The following CMSS1 variants were observed in gnomAD, a reference collection of about 807,000 sequenced individuals.
The protein encoded by CMSS1 is protein CMSS1.
CMSS1 carries 33 observed loss-of-function variants against 43.5 expected under a neutral mutation model. The observed-to-expected ratio is 0.76, with a 90% CI of 0.57 to 1.01. The LOEUF is 1.01. CMSS1 is among the 50% of genes least tolerant of loss of function. The pLI, the probability that CMSS1 is intolerant of heterozygous loss-of-function variation, is 0.00. For synonymous variants in CMSS1, 115 were observed against 117.2 expected, an observed-to-expected ratio of 0.98 and a Z score of 0.12; for missense variants, 313 against 326.4, an observed-to-expected ratio of 0.96 and a Z score of 0.32.
chr3:100,037,001 G>T (rs1240276679), intron 1 of CMSS1, among the ~76,000 whole-genome samples: 1 of 152,078 alleles, frequency 6.6e-6, no homozygotes. Context: ...CATAAATAAA[G>T]CTGAGCCATT....
At chr3:99,829,802 A>G (rs1170525329) in intron 1 of CMSS1, among the ~76,000 whole-genome samples, 1 of 152,220 alleles carries the variant, frequency 6.6e-6, no homozygotes, top group African/African-American at 2.4e-5. Flanking sequence ...AGGTATGCTT[A>G]CTACACCAGT....
chr3:100,118,320 A>G (rs1263532790), intron 1 of CMSS1, among the ~76,000 whole-genome samples: 1 of 152,036 alleles, frequency 6.6e-6, no homozygotes, highest in Non-Finnish European at 1.5e-5. Context: ...GGCTTATATT[A>G]TATCTCTATT....
chr3:99,990,069 C>T (rs766532791), intron 1 of CMSS1, among the ~76,000 whole-genome samples: 3 of 152,032 alleles, frequency 2.0e-5, no homozygotes, highest in Non-Finnish European at 4.4e-5. Context: ...CTCTGTTTGC[C>T]GCTTTGTGTT....
intron 1 of CMSS1, among the ~76,000 whole-genome samples, chr3:100,035,335 A>G (rs1210906748): frequency 6.6e-6 from 1 of 152,104 alleles, no homozygotes; most frequent in Admixed American, 6.6e-5. Flanking sequence ...GTTCAATGGC[A>G]CAATCTTGGC....
At chr3:99,828,384 A>G (rs1235830055) in intron 1 of CMSS1, among the ~76,000 whole-genome samples, 1 of 149,920 alleles carries the variant, frequency 6.7e-6, no homozygotes, top group Non-Finnish European at 1.5e-5. Flanking sequence ...TGTGAGGCAC[A>G]ATACTAAGCA....
chr3:100,053,113 C>T (rs2065401427), intron 1 of CMSS1, among the ~76,000 whole-genome samples: 1 of 152,102 alleles, frequency 6.6e-6, no homozygotes, highest in East Asian at 1.9e-4. Flanking sequence ...TCTCTTAAAC[C>T]CTATATATTG....
In CMSS1 at chr3:100,160,541, G is replaced by T. The variant is rs371394646; in HGVS notation, c.225+40G>T. ...TTCTTAAATTTGTATGGCCCCACATGGTTTCCATCACATTTTTATATATCA... is the reference window on the plus strand; with the variant it reads ...TTCTTAAATTTGTATGGCCCCACATTGTTTCCATCACATTTTTATATATCA... On this transcript the variant is annotated intron_variant, in intron 3 of 9. Transcript: ENST00000421999. 6.2e-6 allele frequency: 6 copies of T among 968,544 alleles called. No homozygotes were observed. The African/African-American group carries it at 1.0e-4, about 16-fold the overall frequency. The allele number at this position is 968,544 out of a possible 1,614,324, so 60.0% of individuals were successfully genotyped here. A position where few individuals can be genotyped will look rare whatever the true frequency, so the allele number is the denominator to read the frequency against.
chr3:99,930,683 T>TA (rs1209577328), intron 1 of CMSS1: 25 of 1,380,652 alleles, frequency 1.8e-5, no homozygotes, highest in Non-Finnish European at 2.4e-5. Flanking sequence ...GAACCACAGA[T>TA]ATCTATTTCT....
intron 1 of CMSS1, among the ~76,000 whole-genome samples, chr3:99,948,763 A>T (rs1708090385): frequency 6.7e-6 from 1 of 148,600 alleles, no homozygotes; most frequent in South Asian, 2.1e-4. Context: ...AAAAGGAAGG[A>T]AGGAAAGAAA....
At chr3:99,920,281 T>C (rs181226177) in intron 1 of CMSS1, among the ~76,000 whole-genome samples, 333 of 152,284 alleles carry the variant, frequency 2.2e-3, no homozygotes, top group Non-Finnish European at 1.9e-3. Flanking sequence ...TCAGAGCCTT[T>C]TGCCCCATTG....
rs765467102 is a variant in CMSS1 at position 99,850,974 on chromosome 3, C to G, written c.64+32931C>G. The G allele has an allele frequency of 6.8e-6, 11 of 1,614,138 alleles. No individual in the cohort carries two copies. The highest frequency in any genetic ancestry group is 2.5e-6 in the Non-Finnish European group (3 of 1,180,020). On this transcript the variant is annotated intron_variant, in intron 1 of 9. Coordinates refer to ENST00000421999, the MANE Select transcript of CMSS1 (RefSeq NM_032359.4). ...CCACCATCAAAGCAAAAGACTTCAGCTTGGTCAGCTCCTCTTTCAGGGTGG... is the reference window on the plus strand; with the variant it reads ...CCACCATCAAAGCAAAAGACTTCAGGTTGGTCAGCTCCTCTTTCAGGGTGG...
chr3:100,077,958 C>T (rs1416662625), intron 1 of CMSS1, among the ~76,000 whole-genome samples: 1 of 152,048 alleles, frequency 6.6e-6, no homozygotes, highest in East Asian at 1.9e-4. Context: ...TTAGGACACC[C>T]AGTTTCACTT....
intron 1 of CMSS1, among the ~76,000 whole-genome samples, chr3:100,047,315 T>G (rs1201372311): frequency 4.6e-5 from 7 of 152,238 alleles, no homozygotes; most frequent in African/African-American, 1.7e-4. Flanking sequence ...GAAAAGGTGC[T>G]TCCAAAGCAT....
At chr3:100,005,952 T>C (rs1392687026) in intron 1 of CMSS1, among the ~76,000 whole-genome samples, 1 of 152,142 alleles carries the variant, frequency 6.6e-6, no homozygotes, top group Non-Finnish European at 1.5e-5. Flanking sequence ...ACCTCCGCTA[T>C]TGCTTTTTCA....
At chr3:99,850,838 T>C (rs1480966326) in intron 1 of CMSS1, 3 of 1,614,216 alleles carry the variant, frequency 1.9e-6, no homozygotes, top group Non-Finnish European at 1.7e-6. Flanking sequence ...TCCTGAACTC[T>C]GGCTTCAGCA....
chr3:99,935,653 AGGACCTG>A, intron 1 of CMSS1, among the ~76,000 whole-genome samples: 1 of 152,346 alleles, frequency 6.6e-6, no homozygotes, highest in East Asian at 1.9e-4. Flanking sequence ...TAGCAGGGTT[AGGACCTG>A]AGACTGGATG....
At chr3:99,993,498 A>G (rs1709584518) in intron 1 of CMSS1, among the ~76,000 whole-genome samples, 1 of 152,024 alleles carries the variant, frequency 6.6e-6, no homozygotes, top group African/African-American at 2.4e-5. Context: ...GCTCTGATGA[A>G]GACTTTGATA....
At chr3:99,846,095 A>C (rs941616771) in intron 1 of CMSS1, among the ~76,000 whole-genome samples, 18 of 152,314 alleles carry the variant, frequency 1.2e-4, no homozygotes, top group Non-Finnish European at 2.5e-4. Flanking sequence ...GAATAGCCCA[A>C]ATTTGGCTCC....
At chr3:100,152,085 A>G (rs894254174) in intron 2 of CMSS1, among the ~76,000 whole-genome samples, 33 of 152,204 alleles carry the variant, frequency 2.2e-4, no homozygotes, top group African/African-American at 7.7e-4. Context: ...CAGCATTCTG[A>G]AGGCCATCCA....
Sources: gnomAD v4.1 joint callset for allele counts (sites outside exome capture counted in the v4.1 genomes callset) on GRCh38, gnomAD v4.1.1 for gene constraint, MANE v1.5 for transcripts, NCBI Gene and HGNC (gene_info 2026-07-23, HGNC 2026-07-21) for gene names.